Variants in CAMKK2 observed in about 807,000 individuals in gnomAD.
CAMKK2 encodes calcium/calmodulin-dependent protein kinase kinase 2.
Under a neutral mutation model 67.2 loss-of-function variants are expected in CAMKK2, and 30 were observed. The observed-to-expected ratio is 0.45, with a 90% CI of 0.33 to 0.61. The LOEUF (loss-of-function observed/expected upper bound fraction) is 0.61. Among genes scored for constraint, CAMKK2 ranks in the 20% least tolerant of loss-of-function variants. The probability of loss-of-function intolerance (pLI) is 0.02; values close to 1 mark genes in which losing one functional copy is unlikely to be tolerated. For missense variants in CAMKK2, 643 were observed against 802.0 expected (o/e 0.80, Z 2.39); for synonymous variants, 322 against 326.2 (o/e 0.99, Z 0.14).
intron 4 of CAMKK2, 74 bp downstream of exon 4, chr12:121,269,454 A>G: frequency 8.3e-7 from 1 of 1,204,400 alleles, no homozygotes; most frequent in Non-Finnish European, 1.2e-6. Flanking sequence ...AAAACTTTCC[A>G]GGAAGCTGAG....
chr12:121,249,940 G>A (rs201335956), intron 12 of CAMKK2, 21 bp downstream of exon 12: 17 of 1,613,316 alleles, frequency 1.1e-5, no homozygotes, highest in East Asian at 2.2e-5. Context: ...GGAGAGATGC[G>A]GGACGGCGGG....
At chr12:121,244,895 C>T (rs573105980) in intron 15 of CAMKK2, among the ~76,000 whole-genome samples, 45 of 152,336 alleles carry the variant, frequency 3.0e-4, no homozygotes, top group African/African-American at 1.1e-3. Context: ...TGACCAAGAG[C>T]CCCCCAGCTA....
At chr12:121,281,131 T>A (rs915250318) in intron 1 of CAMKK2, among the ~76,000 whole-genome samples, 3 of 152,244 alleles carry the variant, frequency 2.0e-5, no homozygotes, top group African/African-American at 7.2e-5. Context: ...CTCTGTCCCT[T>A]TATTTCTCAA....
chr12:121,252,686 G>A lies in CAMKK2; in HGVS notation c.1136C>T (p.Thr379Ile). 2.5e-6 allele frequency: 4 copies of A among 1,614,234 alleles called. No homozygotes were observed. The highest frequency in any genetic ancestry group is 2.2e-5 in the South Asian group (2 of 91,086). ...CTGGCCAAAGACAAAGCAGTATAGT[G>A]TCACACCCATGGCCCAAACATCCAA... Reference protein sequence around the residue: ...KALDVWAMGVTLYCFVFGQCP... With the variant: ...KALDVWAMGVILYCFVFGQCP... Residue 379 changes from threonine (T) to isoleucine (I), a missense_variant, in exon 11 of 17, where the codon ACA (threonine) becomes ATA (isoleucine). By Grantham distance (89) the Thr-to-Ile change is moderately conservative. Coordinates refer to ENST00000404169, the MANE Select transcript of CAMKK2 (RefSeq NM_001270485.2).
At chr12:121,276,360 C>T (rs576673154) in intron 1 of CAMKK2, among the ~76,000 whole-genome samples, 4 of 151,740 alleles carry the variant, frequency 2.6e-5, no homozygotes, top group African/African-American at 9.7e-5. Context: ...CCCAGCTACT[C>T]GGGAGGCTGA....
At chr12:121,281,108 T>A (rs1897700980) in intron 1 of CAMKK2, among the ~76,000 whole-genome samples, 1 of 152,210 alleles carries the variant, frequency 6.6e-6, no homozygotes, top group Non-Finnish European at 1.5e-5. Context: ...CTTTAAAATT[T>A]CTCTCTTTTG....
intron 9 of CAMKK2, among the ~76,000 whole-genome samples, chr12:121,254,708 C>A (rs984688912): frequency 6.6e-6 from 1 of 152,188 alleles, no homozygotes. Flanking sequence ...GTCACTATTG[C>A]TACTGCTCTT....
intron 11 of CAMKK2, among the ~76,000 whole-genome samples, chr12:121,250,620 G>A (rs34617045): frequency 0.27 from 41,254 of 151,782 alleles, 6,006 homozygotes; most frequent in East Asian, 0.34. Context: ...TGCCGCCACC[G>A]CCCACATCAC....
chr12:121,297,648 G>C (rs200480522), upstream of CAMKK2: 2 of 517,784 alleles, frequency 3.9e-6, no homozygotes, highest in Non-Finnish European at 7.7e-6. Flanking sequence ...CTACGGGGTC[G>C]AGCGACCCAG....
chr12:121,274,591 G>A lies in CAMKK2; in HGVS notation c.-59-6C>T. 8.6e-7 allele frequency: 1 copy of A among 1,167,508 alleles called. No homozygotes were observed. The highest frequency in any genetic ancestry group is 1.2e-6 in the Non-Finnish European group (1 of 832,760). The allele number at this position is 1,167,508 out of a possible 1,614,324, so 72.3% of individuals were successfully genotyped here. ...CCATCCGGCAGCGGAGCCACCTGCA[G>A]AAAGAGAAAGGGTCAGCTGGCCCAG... On this transcript the variant is annotated splice_polypyrimidine_tract_variant and splice_region_variant and intron_variant, in intron 1 of 16. Coordinates refer to ENST00000404169, the MANE Select transcript of CAMKK2 (RefSeq NM_001270485.2).
intron 16 of CAMKK2, among the ~76,000 whole-genome samples, chr12:121,242,156 AC>A (rs1490664535): frequency 2.0e-5 from 3 of 151,638 alleles, no homozygotes; most frequent in Admixed American, 1.3e-4. Flanking sequence ...ACATGGTGAA[AC>A]CCCCATCTCT....
At chr12:121,248,865 G>T in intron 13 of CAMKK2, 131 bp from the exon 14 acceptor site, 1 of 1,015,166 alleles carries the variant, frequency 9.9e-7, no homozygotes, top group Non-Finnish European at 1.5e-6. Context: ...AAAACAGCTG[G>T]CGAGCAGAGG....
intron 16 of CAMKK2, among the ~76,000 whole-genome samples, chr12:121,242,299 C>T (rs982466350): frequency 7.9e-5 from 12 of 151,534 alleles, no homozygotes; most frequent in African/African-American, 2.9e-4. Context: ...CACACCACTA[C>T]ACTCCAACAC....
At chr12:121,271,859 C>A (rs1395245437) in intron 2 of CAMKK2, among the ~76,000 whole-genome samples, 1 of 152,200 alleles carries the variant, frequency 6.6e-6, no homozygotes, top group Non-Finnish European at 1.5e-5. Flanking sequence ...AGGCACCCAC[C>A]ACCACGCCCA....
intron 9 of CAMKK2, among the ~76,000 whole-genome samples, chr12:121,254,038 G>A (rs74392684): frequency 1.2e-3 from 178 of 152,306 alleles, no homozygotes; most frequent in African/African-American, 4.2e-3. Flanking sequence ...TGATGATGAT[G>A]AAGACGATTT....
chr12:121,278,881 G>A (rs537423979), intron 1 of CAMKK2, among the ~76,000 whole-genome samples: 8 of 152,312 alleles, frequency 5.3e-5, no homozygotes, highest in East Asian at 1.9e-4. Context: ...ATGTCCAAGC[G>A]AGCTGGCCTG....
chr12:121,261,039 ACTCCACGAAGC>A (rs143835449), intron 6 of CAMKK2, among the ~76,000 whole-genome samples: 3,004 of 151,256 alleles, frequency 0.02, 48 homozygotes, highest in Non-Finnish European at 0.033. Flanking sequence ...GGCTCAAGTG[ACTCCACGAAGC>A]CTCCCCATTG....
At chr12:121,291,071 T>C (rs1469379417) in intron 1 of CAMKK2, among the ~76,000 whole-genome samples, 1 of 152,190 alleles carries the variant, frequency 6.6e-6, no homozygotes, top group Non-Finnish European at 1.5e-5. Context: ...CCACCCGCCT[T>C]GGCCTCCCAA....
chr12:121,290,965 G>A (rs567831252), intron 1 of CAMKK2, among the ~76,000 whole-genome samples: 4 of 152,242 alleles, frequency 2.6e-5, no homozygotes, highest in Admixed American at 6.5e-5. Context: ...GATTACAGGC[G>A]CGTGTCAACA....
Sources: allele counts gnomAD v4.1 joint callset (sites outside exome capture counted in the v4.1 genomes callset), GRCh38; gene constraint gnomAD v4.1.1; transcripts MANE v1.5; gene names NCBI Gene and HGNC (gene_info 2026-07-23, HGNC 2026-07-21).